Variants in SULT4A1 observed in about 807,000 individuals in gnomAD.
SULT4A1 encodes the protein sulfotransferase family 4A member 1.
SULT4A1 carries 11 observed loss-of-function variants against 35.2 expected under a neutral mutation model. The observed-to-expected ratio is 0.31, with a 90% confidence interval of 0.20 to 0.52. SULT4A1 has a LOEUF of 0.52. Ranked by LOEUF, SULT4A1 falls within the 20% of genes least tolerant of loss-of-function variation. The pLI is 0.97. For missense variants in SULT4A1, 271 were observed against 383.7 expected (o/e 0.71, Z 2.45); for synonymous variants, 152 against 151.8 (o/e 1.00, Z -0.01).
At chr22:43,862,133 CCGGGCG>C in intron 1 of SULT4A1, 75 bp downstream of exon 1, 1 of 1,189,988 alleles carries the variant, frequency 8.4e-7, no homozygotes. Context: ...AGCAGAAGCC[CCGGGCG>C]CGGGCGCGGC....
intron 4 of SULT4A1, 73 bp downstream of exon 4, chr22:43,838,794 C>G: frequency 6.3e-7 from 1 of 1,598,612 alleles, no homozygotes; most frequent in Middle Eastern, 1.9e-4. Context: ...CGGGGAAGCA[C>G]CCAGCACCTG....
At chr22:43,847,937 A>G (rs2063487087) in intron 1 of SULT4A1, among the ~76,000 whole-genome samples, 1 of 152,258 alleles carries the variant, frequency 6.6e-6, no homozygotes, top group African/African-American at 2.4e-5. Flanking sequence ...TCTGGAGGCC[A>G]GAAGTCCCAA....
intron 1 of SULT4A1, among the ~76,000 whole-genome samples, chr22:43,846,091 A>C (rs1384323127): frequency 2.0e-5 from 3 of 152,114 alleles, no homozygotes; most frequent in Admixed American, 1.3e-4. Flanking sequence ...GAGTCAACGC[A>C]AGGCCTTCAC....
At chr22:43,839,877 T>C in intron 3 of SULT4A1, 68 bp downstream of exon 3, 1 of 1,449,974 alleles carries the variant, frequency 6.9e-7, no homozygotes, top group Non-Finnish European at 9.5e-7. Flanking sequence ...TGCATGTGTA[T>C]TGCACAGGGA....
intron 1 of SULT4A1, among the ~76,000 whole-genome samples, chr22:43,843,991 C>T (rs1016015884): frequency 2.0e-5 from 3 of 152,092 alleles, no homozygotes; most frequent in African/African-American, 7.2e-5. Flanking sequence ...CGTGGGATCT[C>T]GTGCTGTCTC....
intron 6 of SULT4A1, chr22:43,827,406 A>C: frequency 4.2e-6 from 5 of 1,178,306 alleles, no homozygotes; most frequent in Non-Finnish European, 5.4e-6. Context: ...TAACCCTTTA[A>C]TGATACCTAA....
chr22:43,826,401 C>T (rs962800921), intron 6 of SULT4A1: 2 of 985,268 alleles, frequency 2.0e-6, no homozygotes, highest in African/African-American at 3.5e-5. Flanking sequence ...CCCGCTGGGG[C>T]CCACCAGGGA....
intron 1 of SULT4A1, among the ~76,000 whole-genome samples, chr22:43,851,371 C>T (rs192018780): frequency 1.3e-5 from 2 of 152,264 alleles, no homozygotes; most frequent in African/African-American, 4.8e-5. Context: ...TTTGCTTTCT[C>T]GGAGTTCTTT....
At chr22:43,855,201 G>A (rs545279846) in intron 1 of SULT4A1, among the ~76,000 whole-genome samples, 104 of 152,304 alleles carry the variant, frequency 6.8e-4, no homozygotes, top group Admixed American at 6.8e-3. Context: ...AGGTGGCAGC[G>A]CAGGGAGATG....
intron 1 of SULT4A1, among the ~76,000 whole-genome samples, chr22:43,843,567 C>T (rs1024625677): frequency 1.3e-5 from 2 of 152,258 alleles, no homozygotes; most frequent in Non-Finnish European, 2.9e-5. Context: ...GCTCACAGCC[C>T]TTTTGTCCAG....
At chr22:43,846,964 C>T (rs1356670598) in intron 1 of SULT4A1, among the ~76,000 whole-genome samples, 1 of 152,220 alleles carries the variant, frequency 6.6e-6, no homozygotes, top group Non-Finnish European at 1.5e-5. Flanking sequence ...CTTCTTACAT[C>T]AATATCGGCC....
At chr22:43,844,373 C>T (rs1435137529) in intron 1 of SULT4A1, among the ~76,000 whole-genome samples, 5 of 152,142 alleles carry the variant, frequency 3.3e-5, no homozygotes, top group African/African-American at 1.2e-4. Flanking sequence ...GCTGAGGACA[C>T]CCTGGCACTC....
At chr22:43,831,374 G>A (rs1321096136) in intron 5 of SULT4A1, among the ~76,000 whole-genome samples, 1 of 151,890 alleles carries the variant, frequency 6.6e-6, no homozygotes, top group Non-Finnish European at 1.5e-5. Flanking sequence ...CAGTGGCCCT[G>A]GGCAGTGCAT....
In SULT4A1 at chr22:43,829,207, C is replaced by T. The variant is rs1427445385; in HGVS notation, c.604-9G>A. On this transcript the variant is annotated splice_polypyrimidine_tract_variant and intron_variant, in intron 5 of 6. Transcript: ENST00000330884. ...ACCATCGTCACCAGGTCCTGGAAGA[C>T]AAGTGCAGAGAGCAGAGCAGCCCAT... The T allele has an allele frequency of 1.3e-6, 2 of 1,554,522 alleles. No homozygotes were observed. Among genetic ancestry groups the T allele is most frequent in the South Asian group, 1.2e-5 (1 of 83,110 alleles).
At chr22:43,827,354 A>G in intron 6 of SULT4A1, 1 of 985,422 alleles carries the variant, frequency 1.0e-6, no homozygotes, top group Non-Finnish European at 1.2e-6. Flanking sequence ...GGTAACAAAA[A>G]ATTATCAGTG....
Position 43,826,450 on chromosome 22 carries a change from G to A in SULT4A1, c.743-337C>T, listed in dbSNP as rs928297630. On this transcript the variant is annotated intron_variant, in intron 6 of 6. Coordinates refer to ENST00000330884, the MANE Select transcript of SULT4A1 (RefSeq NM_014351.4). The stretch of plus-strand genomic sequence containing the variant: ...TTCAGTGCTGGGTCCCCAGCACCTA[G>A]AACGGCACCTGGCACGTGGCAGGTG... 5 of 985,114 alleles carry A rather than the reference G, an allele frequency of 5.1e-6. No homozygotes were observed. The African/African-American group carries it at 8.7e-5, about 17-fold the overall frequency. The allele number at this position is 985,114 out of a possible 1,614,324, so 61.0% of individuals were successfully genotyped here. A position where few individuals can be genotyped will look rare whatever the true frequency, so the allele number is the denominator to read the frequency against.
intron 6 of SULT4A1, chr22:43,826,410 G>A (rs1363134451): frequency 6.1e-6 from 6 of 985,370 alleles, no homozygotes; most frequent in Non-Finnish European, 7.2e-6. Flanking sequence ...GCCCACCAGG[G>A]AGACTCTACT....
chr22:43,844,705 C>T (rs1292823186), intron 1 of SULT4A1, among the ~76,000 whole-genome samples: 1 of 152,210 alleles, frequency 6.6e-6, no homozygotes, highest in Admixed American at 6.5e-5. Flanking sequence ...GTATGCTCCT[C>T]CCAGCCTCAG....
rs190409975 is a variant in SULT4A1, at chr22:43,850,207, C to T, written c.170-8275G>A. Among the ~76,000 whole-genome samples, 4 of 152,328 alleles carry T rather than the reference C, an allele frequency of 2.6e-5. No homozygotes were observed. In the East Asian group the frequency reaches 7.7e-4, roughly 29 times the overall value. On this transcript the variant is annotated intron_variant, in intron 1 of 6. Transcript: ENST00000330884. Reference sequence around the variant, plus strand: ...AGACCTTTGGTAGATTATTTTTACCCTCAAATTTCCAAAAAGTGTACTGAT... The same window carrying T: ...AGACCTTTGGTAGATTATTTTTACCTTCAAATTTCCAAAAAGTGTACTGAT...
Sources: gnomAD v4.1 joint callset for allele counts (sites outside exome capture counted in the v4.1 genomes callset) on GRCh38, gnomAD v4.1.1 for gene constraint, MANE v1.5 for transcripts, NCBI Gene and HGNC (gene_info 2026-07-23, HGNC 2026-07-21) for gene names.